Variants in TLE1 observed in about 807,000 individuals in gnomAD.
TLE1 encodes the protein transducin-like enhancer protein 1.
In TLE1, 21 loss-of-function variants were observed where a neutral mutation model predicts 89.8. That is an observed-to-expected ratio of 0.23 (90% CI 0.17 to 0.34). The LOEUF (loss-of-function observed/expected upper bound fraction) is 0.34. Ranked by LOEUF, TLE1 falls within the 10% of genes least tolerant of loss-of-function variation. TLE1 has a pLI of 1.00. For synonymous variants in TLE1, 447 were observed against 407.6 expected, an observed-to-expected ratio of 1.10 and a Z score of -1.16; for missense variants, 795 against 1,031.2, an observed-to-expected ratio of 0.77 and a Z score of 3.14.
intron 12 of TLE1, among the ~76,000 whole-genome samples, chr9:81,612,655 T>G (rs755269357): frequency 9.2e-5 from 14 of 152,192 alleles, no homozygotes; most frequent in Non-Finnish European, 1.9e-4. Flanking sequence ...AACCGCTGTT[T>G]CAGCCAGTAT....
In TLE1 at chr9:81,689,310, G is replaced by A. The variant is rs1290747577; in HGVS notation, c.-1070C>T. 1 of 152,314 alleles carries A rather than the reference G, an allele frequency of 6.6e-6. No homozygotes were observed. Among genetic ancestry groups the A allele is most frequent in the Non-Finnish European group, 1.5e-5 (1 of 68,158 alleles). 9.4% of individuals were successfully genotyped at this position (152,314 alleles called of 1,614,324 possible). A position where few individuals can be genotyped will look rare whatever the true frequency, so the allele number is the denominator to read the frequency against. ...CCACCCTCCCCGGCGGGCAAACTCT[G>A]CGGGCGAGTCCAGAGTAGTCACAGC... On this transcript the variant is annotated 5_prime_UTR_variant, in exon 1 of 20. Transcript: ENST00000376499.
At chr9:81,595,681 T>C (rs1418095424) in intron 14 of TLE1, among the ~76,000 whole-genome samples, 2 of 151,802 alleles carry the variant, frequency 1.3e-5, no homozygotes, top group Non-Finnish European at 2.9e-5. Context: ...CAGCCGGGTA[T>C]GGTGGCGGGC....
At chr9:81,633,424 C>T in intron 7 of TLE1, 60 bp from the exon 8 acceptor site, 14 of 1,605,388 alleles carry the variant, frequency 8.7e-6, no homozygotes, top group Non-Finnish European at 1.1e-5. Flanking sequence ...GAGGCAAGAA[C>T]AGAAATAAAA....
At chr9:81,664,889 G>A (rs970474857) in intron 4 of TLE1, among the ~76,000 whole-genome samples, 1 of 152,152 alleles carries the variant, frequency 6.6e-6, no homozygotes, top group African/African-American at 2.4e-5. Flanking sequence ...TTTCTAACAA[G>A]TTCCCAGGTG....
At chr9:81,625,555 AT>A (rs1371342029) in intron 8 of TLE1, among the ~76,000 whole-genome samples, 2 of 149,224 alleles carry the variant, frequency 1.3e-5, no homozygotes, top group Non-Finnish European at 3.0e-5. Context: ...TTCTTTTAAA[AT>A]AAAACAAAAC....
At chr9:81,685,032 C>T (rs1834090339) in intron 4 of TLE1, among the ~76,000 whole-genome samples, 1 of 152,192 alleles carries the variant, frequency 6.6e-6, no homozygotes, top group Admixed American at 6.5e-5. Context: ...CTAGAGCTTT[C>T]CAGTCACTAA....
At chr9:81,624,023 C>T (rs1407349851) in intron 8 of TLE1, among the ~76,000 whole-genome samples, 1 of 152,060 alleles carries the variant, frequency 6.6e-6, no homozygotes, top group Admixed American at 6.6e-5. Context: ...CCATTACAGC[C>T]AAAGTGCCTC....
chr9:81,659,020 T>C (rs944316003), intron 4 of TLE1, among the ~76,000 whole-genome samples: 1 of 152,126 alleles, frequency 6.6e-6, no homozygotes, highest in African/African-American at 2.4e-5. Flanking sequence ...GCAATTCTCC[T>C]TCCTCAGCCT....
At position 81,680,834 on chromosome 9, in the gene TLE1, C is replaced by T. The variant is rs531907883; in HGVS notation, c.234+4842G>A. ...ACCTGCTGGAGCTTAACTCTAAGTGCCTATACTCTAGCTAGTCATTTCCCT... is the reference window on the plus strand; with the variant it reads ...ACCTGCTGGAGCTTAACTCTAAGTGTCTATACTCTAGCTAGTCATTTCCCT... On this transcript the variant is annotated intron_variant, in intron 4 of 19. Coordinates refer to ENST00000376499, the MANE Select transcript of TLE1 (RefSeq NM_005077.5). Among the ~76,000 whole-genome samples the T allele has an allele frequency of 2.6e-5, 4 of 151,848 alleles. No homozygotes were observed. In the South Asian group the frequency reaches 8.3e-4, roughly 32 times the overall value.
chr9:81,680,489 T>C (rs1293080455), intron 4 of TLE1, among the ~76,000 whole-genome samples: 5 of 152,200 alleles, frequency 3.3e-5, no homozygotes, highest in Non-Finnish European at 7.3e-5. Context: ...TTCAAAATAT[T>C]GATCATGATA....
At chr9:81,652,106 T>TACACACACATACACACAC in intron 6 of TLE1, 108 bp downstream of exon 6, 1 of 695,124 alleles carries the variant, frequency 1.4e-6, no homozygotes, top group Non-Finnish European at 2.3e-6. Flanking sequence ...AACGTTAAGA[T>TACACACACATACACACAC]ACACACACAC....
At chr9:81,666,758 G>A (rs1831511704) in intron 4 of TLE1, among the ~76,000 whole-genome samples, 3 of 146,678 alleles carry the variant, frequency 2.0e-5, no homozygotes, top group African/African-American at 5.2e-5. Context: ...CTGGGTGACA[G>A]AGCAAGACTC....
At chr9:81,662,698 CA>C (rs1030990268) in intron 4 of TLE1, among the ~76,000 whole-genome samples, 70 of 138,120 alleles carry the variant, frequency 5.1e-4, no homozygotes, top group Admixed American at 5.8e-4. Context: ...AACTCCGTAT[CA>C]AAAAAAAAAA....
intron 6 of TLE1, among the ~76,000 whole-genome samples, chr9:81,635,349 C>T (rs560469368): frequency 2.4e-4 from 37 of 152,300 alleles, no homozygotes; most frequent in African/African-American, 7.9e-4. Context: ...GCCAAGCCCC[C>T]GTTCCCAAAT....
intron 18 of TLE1, among the ~76,000 whole-genome samples, chr9:81,584,888 C>T (rs1828136880): frequency 6.6e-6 from 1 of 152,034 alleles, no homozygotes; most frequent in Non-Finnish European, 1.5e-5. Context: ...AAGGATTAAA[C>T]ATCCAACTTA....
chr9:81,670,110 G>A lies in TLE1; in HGVS notation c.234+15566C>T, dbSNP rs1022937680. 3.3e-5 allele frequency among the ~76,000 whole-genome samples: 5 copies of A among 152,082 alleles called. No homozygotes were observed. In the South Asian group the frequency reaches 6.2e-4, roughly 19 times the overall value. ...TAATTGGATATCTTATCTTTCTATT[G>A]CTCTCAAATCGAATGATTCTGCTAG... On this transcript the variant is annotated intron_variant, in intron 4 of 19. Coordinates refer to ENST00000376499, the MANE Select transcript of TLE1 (RefSeq NM_005077.5).
At chr9:81,610,359 A>G (rs1823541844) in intron 13 of TLE1, 63 bp from the exon 14 acceptor site, 1 of 1,210,006 alleles carries the variant, frequency 8.3e-7, no homozygotes, top group Non-Finnish European at 1.2e-6. Flanking sequence ...GTGAACATCA[A>G]TACTGTTCAT....
At chr9:81,599,925 C>T (rs1241622582) in intron 14 of TLE1, 5 of 512,120 alleles carry the variant, frequency 9.8e-6, no homozygotes, top group Non-Finnish European at 1.4e-5. Context: ...AAGGCAAATA[C>T]AAAACTTCTT....
At chr9:81,682,761 T>C (rs1164187673) in intron 4 of TLE1, among the ~76,000 whole-genome samples, 1 of 152,198 alleles carries the variant, frequency 6.6e-6, no homozygotes, top group Non-Finnish European at 1.5e-5. Context: ...AGACATTGTC[T>C]ACCTCTACTG....
Sources: allele counts gnomAD v4.1 joint callset (sites outside exome capture counted in the v4.1 genomes callset), GRCh38; gene constraint gnomAD v4.1.1; transcripts MANE v1.5; gene names NCBI Gene and HGNC (gene_info 2026-07-23, HGNC 2026-07-21).